NOS1AP: variants seen among roughly 807,000 people sequenced by gnomAD.
NOS1AP encodes the protein nitric oxide synthase 1 adaptor protein.
NOS1AP carries 21 observed loss-of-function variants against 56.2 expected under a neutral mutation model. That is an observed-to-expected ratio of 0.37 (90% CI 0.26 to 0.54). The LOEUF (loss-of-function observed/expected upper bound fraction) is 0.54, where lower values mean the gene tolerates loss of function less well. Among genes scored for constraint, NOS1AP ranks in the 20% least tolerant of loss-of-function variants. The pLI, the probability that NOS1AP is intolerant of heterozygous loss-of-function variation, is 0.84. For synonymous variants in NOS1AP, 270 were observed against 274.6 expected (o/e 0.98, Z 0.17); for missense variants, 522 against 657.8 (o/e 0.79, Z 2.26).
intron 2 of NOS1AP, among the ~76,000 whole-genome samples, chr1:162,201,267 C>T (rs890599692): frequency 2.0e-5 from 3 of 152,158 alleles, no homozygotes; most frequent in African/African-American, 7.2e-5. Context: ...CATAGTATTC[C>T]ATGGTGTATA....
chr1:162,219,254 T>C (rs866279658), intron 2 of NOS1AP, among the ~76,000 whole-genome samples: 4 of 152,234 alleles, frequency 2.6e-5, no homozygotes, highest in African/African-American at 9.6e-5. Flanking sequence ...GAACAGTGCC[T>C]GGCTCATGGC....
At chr1:162,285,592 C>G (rs1220738992) in intron 2 of NOS1AP, among the ~76,000 whole-genome samples, 4 of 142,608 alleles carry the variant, frequency 2.8e-5, no homozygotes, top group Non-Finnish European at 6.1e-5. Flanking sequence ...CTACCTAAGC[C>G]AGACTCCAGT....
intron 5 of NOS1AP, among the ~76,000 whole-genome samples, chr1:162,336,977 C>T (rs1191059043): frequency 2.0e-5 from 3 of 152,350 alleles, no homozygotes; most frequent in Admixed American, 6.5e-5. Context: ...TTGCTAATAA[C>T]ATGGGCATTC....
chr1:162,247,036 G>A (rs147609277), intron 2 of NOS1AP, among the ~76,000 whole-genome samples: 27 of 152,250 alleles, frequency 1.8e-4, no homozygotes, highest in African/African-American at 6.5e-4. Flanking sequence ...ATCACTGGGT[G>A]CTTTTCTTCA....
chr1:162,250,908 C>T (rs565394130), intron 2 of NOS1AP, among the ~76,000 whole-genome samples: 30 of 152,216 alleles, frequency 2.0e-4, no homozygotes, highest in African/African-American at 5.8e-4. Context: ...CCTGCCTTGA[C>T]GTCCCAAGCA....
chr1:162,314,066 G>A (rs918096916), intron 4 of NOS1AP, among the ~76,000 whole-genome samples: 2 of 152,162 alleles, frequency 1.3e-5, no homozygotes, highest in Admixed American at 6.5e-5. Flanking sequence ...GCCTTGATTT[G>A]CTTGTTTGCT....
At chr1:162,167,966 A>G (rs1650578700) in intron 2 of NOS1AP, among the ~76,000 whole-genome samples, 1 of 150,280 alleles carries the variant, frequency 6.7e-6, no homozygotes, top group African/African-American at 2.5e-5. Context: ...TAATAACCAA[A>G]CATGAGACAC....
chr1:162,294,344 C>T (rs1291146088), intron 3 of NOS1AP, among the ~76,000 whole-genome samples: 1 of 152,152 alleles, frequency 6.6e-6, no homozygotes, highest in Non-Finnish European at 1.5e-5. Flanking sequence ...CCCCACATCT[C>T]CCAGGGACGG....
chr1:162,239,128 A>G (rs1283440539), intron 2 of NOS1AP, among the ~76,000 whole-genome samples: 5 of 152,214 alleles, frequency 3.3e-5, no homozygotes, highest in Admixed American at 2.0e-4. Context: ...TGTTTTGAGT[A>G]ATAGACCAAC....
intron 1 of NOS1AP, among the ~76,000 whole-genome samples, chr1:162,143,920 G>A (rs1649342713): frequency 6.6e-6 from 1 of 152,232 alleles, no homozygotes; most frequent in African/African-American, 2.4e-5. Flanking sequence ...CGTTCTTCAT[G>A]TGAAGAATAA....
At chr1:162,310,503 C>T (rs1162934992) in intron 4 of NOS1AP, among the ~76,000 whole-genome samples, 2 of 152,262 alleles carry the variant, frequency 1.3e-5, no homozygotes, top group Non-Finnish European at 2.9e-5. Flanking sequence ...GAGTGTCCAT[C>T]ACTCTAGTCA....
In NOS1AP at chr1:162,255,490, A is replaced by ATTTTTTTTTTTTTTTTTTTTTTTTTTT. The variant is rs35637289; in HGVS notation, c.178-31845_178-31819dup. On this transcript the variant is annotated intron_variant, in intron 2 of 9. Transcript: ENST00000361897. ...ATGCATAGGTTATTTGCTGCTGCTG[A>ATTTTTTTTTTTTTTTTTTTTTTTTTTT]TTTTTTTTTTTTTTTTTTTTTTTTT... Among the ~76,000 whole-genome samples the ATTTTTTTTTTTTTTTTTTTTTTTTTTT allele has an allele frequency of 1.8e-4, 11 of 60,996 alleles. 1 individual carries two copies. The highest frequency in any genetic ancestry group is 3.2e-4 in the Non-Finnish European group (9 of 28,172). 40.0% of individuals were successfully genotyped at this position (60,996 alleles called of 152,430 possible).
At chr1:162,355,712 G>C (rs968240084) in intron 7 of NOS1AP, among the ~76,000 whole-genome samples, 3 of 152,068 alleles carry the variant, frequency 2.0e-5, no homozygotes, top group South Asian at 4.1e-4. Context: ...CTGTGACTTA[G>C]CTAGTAGAGC....
intron 1 of NOS1AP, among the ~76,000 whole-genome samples, chr1:162,111,830 G>T (rs1410361245): frequency 6.6e-6 from 1 of 152,216 alleles, no homozygotes; most frequent in Non-Finnish European, 1.5e-5. Flanking sequence ...TTGCAGAAAT[G>T]AGTCAAGCCG....
At chr1:162,298,697 A>G (rs550610231) in intron 3 of NOS1AP, among the ~76,000 whole-genome samples, 2 of 152,374 alleles carry the variant, frequency 1.3e-5, no homozygotes, top group East Asian at 3.9e-4. Context: ...CTTCTGTAAA[A>G]AAAAGACAAT....
intron 2 of NOS1AP, among the ~76,000 whole-genome samples, chr1:162,287,017 C>T (rs1440630786): frequency 6.6e-6 from 1 of 152,052 alleles, no homozygotes; most frequent in Non-Finnish European, 1.5e-5. Flanking sequence ...CTTGCCTGAC[C>T]GTGGAAGTCA....
intron 4 of NOS1AP, among the ~76,000 whole-genome samples, chr1:162,306,859 C>A (rs965073884): frequency 2.0e-5 from 3 of 151,864 alleles, no homozygotes; most frequent in African/African-American, 7.3e-5. Flanking sequence ...ATTGCTTGAA[C>A]CTGGGAGGCA....
intron 2 of NOS1AP, among the ~76,000 whole-genome samples, chr1:162,174,037 G>A (rs1486126565): frequency 1.3e-5 from 2 of 152,124 alleles, no homozygotes; most frequent in Non-Finnish European, 2.9e-5. Context: ...AATACCATTT[G>A]ACCCAGCCAT....
chr1:162,215,785 G>A (rs188269359), intron 2 of NOS1AP, among the ~76,000 whole-genome samples: 14 of 152,302 alleles, frequency 9.2e-5, no homozygotes, highest in Admixed American at 9.1e-4. Flanking sequence ...TGATGATGTC[G>A]AATTCTATAA....
Sources: gnomAD v4.1 joint callset for allele counts (sites outside exome capture counted in the v4.1 genomes callset) on GRCh38, gnomAD v4.1.1 for gene constraint, MANE v1.5 for transcripts, NCBI Gene and HGNC (gene_info 2026-07-23, HGNC 2026-07-21) for gene names.